Variants in RCOR3 observed in about 807,000 individuals in gnomAD.
RCOR3 encodes the protein REST corepressor 3.
Under a neutral mutation model 64.1 loss-of-function variants are expected in RCOR3, and 13 were observed. The ratio of observed to expected loss-of-function variants is 0.20; its 90% confidence interval spans 0.13 to 0.32. The LOEUF is 0.32. Among genes scored for constraint, RCOR3 ranks in the 10% least tolerant of loss-of-function variants. The pLI, the probability that RCOR3 is intolerant of heterozygous loss-of-function variation, is 1.00. For missense variants in RCOR3, 489 were observed against 701.2 expected (o/e 0.70, Z 3.42); for synonymous variants, 215 against 239.0 (o/e 0.90, Z 0.93).
chr1:211,301,597 A>C (rs1437273604), intron 9 of RCOR3: 1 of 152,190 alleles, frequency 6.6e-6, no homozygotes, highest in Non-Finnish European at 1.5e-5. Context: ...TTTCCCTTAC[A>C]TGTGGATTGC....
In RCOR3 at chr1:211,313,174, T is replaced by G. The variant is rs1004456474; in HGVS notation, c.1317+213T>G. ...GAATGGAGAGTGTATTGTTCTTTCA[T>G]AGTCTTATTTTTATTTTCAGTGTTA... On this transcript the variant is annotated intron_variant, in intron 11 of 11. Transcript: ENST00000419091. This position sits in a 1 kb window ranked among gnomAD's most constrained non-coding sequence, Gnocchi z 4.7. The G allele has an allele frequency of 2.1e-6, 3 of 1,439,950 alleles. No homozygotes were observed. Among genetic ancestry groups the G allele is most frequent in the Non-Finnish European group, 2.7e-6 (3 of 1,103,994 alleles). 89.2% of individuals were successfully genotyped at this position (1,439,950 alleles called of 1,614,324 possible).
rs529055436 is a variant in RCOR3, at chr1:211,307,086, G to T, written c.1075+2946G>T. Among the ~76,000 whole-genome samples the T allele has an allele frequency of 2.0e-5, 3 of 152,168 alleles. No individual in the cohort carries two copies. The South Asian group carries it at 6.2e-4, about 32-fold the overall frequency. On this transcript the variant is annotated intron_variant, in intron 10 of 11. Coordinates refer to ENST00000419091, the MANE Select transcript of RCOR3 (RefSeq NM_001136223.3). Reference sequence around the variant, plus strand: ...TTTGTGTTAATGATAAAATATTCCTGTTTGTAGCTTATACATATATACATA... The same window carrying T: ...TTTGTGTTAATGATAAAATATTCCTTTTTGTAGCTTATACATATATACATA...
At chr1:211,260,291 C>A in intron 2 of RCOR3, 127 bp downstream of exon 2, 2 of 773,604 alleles carry the variant, frequency 2.6e-6, no homozygotes, top group African/African-American at 3.4e-5. Flanking sequence ...GCATCCGTGG[C>A]GGGGAGGCTG....
chr1:211,297,506 T>C (rs1446854122), intron 9 of RCOR3, among the ~76,000 whole-genome samples: 9 of 152,150 alleles, frequency 5.9e-5, no homozygotes, highest in Non-Finnish European at 1.2e-4. Flanking sequence ...TTTTATGTAA[T>C]AGCAAAATTG....
intron 9 of RCOR3, among the ~76,000 whole-genome samples, chr1:211,299,144 C>T (rs754293992): frequency 6.6e-6 from 1 of 152,020 alleles, no homozygotes; most frequent in African/African-American, 2.4e-5. Context: ...CATTATTATA[C>T]AGGATAAATT....
chr1:211,278,047 A>G, intron 5 of RCOR3, 70 bp from the exon 6 acceptor site: 1 of 1,348,038 alleles, frequency 7.4e-7, no homozygotes, highest in Non-Finnish European at 1.0e-6. Flanking sequence ...CTAAATAGTA[A>G]AGATATCATC....
At chr1:211,268,841 C>CT (rs1220212167) in intron 2 of RCOR3, among the ~76,000 whole-genome samples, 2 of 151,002 alleles carry the variant, frequency 1.3e-5, no homozygotes, top group African/African-American at 2.5e-5. Flanking sequence ...CTCTTTTCTT[C>CT]TTAATTTTCC....
intron 2 of RCOR3, chr1:211,261,144 ATAT>A (rs1694201916): frequency 1.3e-5 from 2 of 152,006 alleles, no homozygotes; most frequent in African/African-American, 2.4e-5. Context: ...AGTGCCCATA[ATAT>A]TGCGTTTGTG....
chr1:211,287,647 C>T (rs1459996546), intron 7 of RCOR3, among the ~76,000 whole-genome samples: 1 of 151,996 alleles, frequency 6.6e-6, no homozygotes, highest in African/African-American at 2.4e-5. Flanking sequence ...TTTAGGTAGC[C>T]GAGGCAGTGG....
Position 211,295,729 on chromosome 1 carries a change from A to G in RCOR3, c.993A>G (p.Gly331=). ...NSALKQKMEG[G]IEEFKPPESN... is the part of the protein sequence containing the mutation. ...CACTTAAACAGAAAATGGAAGGTGG[A>G]ATTGAAGAATTCAAACCTCCTGAGG... The change falls in exon 9 of 12, where the codon GGA becomes GGG. Residue 331 remains glycine (G), a synonymous_variant. Transcript: ENST00000419091. The G allele has an allele frequency of 6.2e-7, 1 of 1,613,628 alleles. No homozygotes were observed. Among genetic ancestry groups the G allele is most frequent in the Admixed American group, 1.7e-5 (1 of 60,024 alleles).
chr1:211,285,501 C>G (rs1698417717), intron 7 of RCOR3, among the ~76,000 whole-genome samples: 2 of 152,174 alleles, frequency 1.3e-5, no homozygotes. Flanking sequence ...TACTCAGAGT[C>G]ACTTCTCTTG....
chr1:211,269,103 G>A (rs1007951708), intron 2 of RCOR3, among the ~76,000 whole-genome samples: 2 of 152,006 alleles, frequency 1.3e-5, no homozygotes, highest in African/African-American at 2.4e-5. Context: ...TTTAACCTCG[G>A]AATTATTTTA....
rs548166764 is a variant in RCOR3 at position 211,281,386 on chromosome 1, T to C, written c.720+2070T>C. Reference sequence around the variant, plus strand: ...TCTGTTCTTCTCTGTGTGACTGCCTTCTTCTTAGGTTCTCGTCTCCTCTGA... The same window carrying C: ...TCTGTTCTTCTCTGTGTGACTGCCTCCTTCTTAGGTTCTCGTCTCCTCTGA... On this transcript the variant is annotated intron_variant, in intron 7 of 11. Transcript: ENST00000419091. Among the ~76,000 whole-genome samples, 9 of 152,324 alleles carry C rather than the reference T, an allele frequency of 5.9e-5. 1 individual carries two copies. In the South Asian group the frequency reaches 1.9e-3, roughly 32 times the overall value.
At chr1:211,270,506 T>G (rs1459809293) in intron 2 of RCOR3, among the ~76,000 whole-genome samples, 1 of 151,324 alleles carries the variant, frequency 6.6e-6, no homozygotes, top group Non-Finnish European at 1.5e-5. Context: ...CAGACAAAAG[T>G]GTTTAAAAAT....
chr1:211,271,347 G>T (rs1345542803), intron 3 of RCOR3, 38 bp downstream of exon 3: 1 of 1,525,600 alleles, frequency 6.6e-7, no homozygotes, highest in East Asian at 2.3e-5. Context: ...GTCAGCAGGA[G>T]TTTATCAGCC....
At chr1:211,292,487 A>T (rs551282246) in intron 8 of RCOR3, among the ~76,000 whole-genome samples, 1 of 152,300 alleles carries the variant, frequency 6.6e-6, no homozygotes, top group Admixed American at 6.5e-5. Context: ...ACACTTAGGG[A>T]CTATTTTTAT....
intron 2 of RCOR3, among the ~76,000 whole-genome samples, chr1:211,268,258 A>G (rs10863884): frequency 0.49 from 74,984 of 151,854 alleles, 21,164 homozygotes; most frequent in East Asian, 0.62. Context: ...TTTTATTACC[A>G]TTGAGTGGGT....
Position 211,259,464 on chromosome 1 carries a change from T to G in RCOR3, c.-97T>G. The G allele has an allele frequency of 7.9e-7, 1 of 1,268,094 alleles. No homozygotes were observed. Among genetic ancestry groups the G allele is most frequent in the Non-Finnish European group, 1.1e-6 (1 of 926,050 alleles). The allele number at this position is 1,268,094 out of a possible 1,614,324, so 78.6% of individuals were successfully genotyped here. A position where few individuals can be genotyped will look rare whatever the true frequency, so the allele number is the denominator to read the frequency against. On this transcript the variant is annotated 5_prime_UTR_variant, in exon 1 of 12. Coordinates refer to ENST00000419091, the MANE Select transcript of RCOR3 (RefSeq NM_001136223.3). ...CTCCGCCGCCGCCGCCGTCTCCTCCTCCTCCTCCTTTCCCTCCCGCCCGCG... is the reference window on the plus strand; with the variant it reads ...CTCCGCCGCCGCCGCCGTCTCCTCCGCCTCCTCCTTTCCCTCCCGCCCGCG...
rs182213079 is a variant in RCOR3 at position 211,295,890 on chromosome 1, T to A, written c.1017+137T>A. ...CATAATATGGATAATTTATTATGTCTCTTTTTATTTAGATGATCTTATGAG... is the reference window on the plus strand; with the variant it reads ...CATAATATGGATAATTTATTATGTCACTTTTTATTTAGATGATCTTATGAG... On this transcript the variant is annotated intron_variant, in intron 9 of 11. Coordinates refer to ENST00000419091, the MANE Select transcript of RCOR3 (RefSeq NM_001136223.3). 1,708 of 601,952 alleles carry A rather than the reference T, an allele frequency of 2.8e-3. 15 individuals are homozygous for A. The highest frequency in any genetic ancestry group is 2.1e-3 in the Non-Finnish European group (724 of 339,972). 37.3% of individuals were successfully genotyped at this position (601,952 alleles called of 1,614,324 possible). A position where few individuals can be genotyped will look rare whatever the true frequency, so the allele number is the denominator to read the frequency against.
Sources: allele counts gnomAD v4.1 joint callset (sites outside exome capture counted in the v4.1 genomes callset), GRCh38; gene constraint gnomAD v4.1.1; non-coding constraint Gnocchi (gnomAD v3.1); transcripts MANE v1.5; gene names NCBI Gene and HGNC (gene_info 2026-07-23, HGNC 2026-07-21).